The following PCDHA3 variants were observed in gnomAD, a reference collection of about 807,000 sequenced individuals.
The protein encoded by PCDHA3 is protocadherin alpha-3.
PCDHA3 carries 41 observed loss-of-function variants against 62.2 expected under a neutral mutation model. The observed-to-expected ratio is 0.66, with a 90% CI of 0.51 to 0.86. The LOEUF (loss-of-function observed/expected upper bound fraction) is 0.86, where lower values mean the gene tolerates loss of function less well. Among genes scored for constraint, PCDHA3 ranks in the 40% least tolerant of loss-of-function variants. The pLI is 0.00. For synonymous variants in PCDHA3, 640 were observed against 555.4 expected (o/e 1.15, Z -2.14); for missense variants, 1,304 against 1,241.2 (o/e 1.05, Z -0.76).
intron 1 of PCDHA3, among the ~76,000 whole-genome samples, chr5:140,962,807 C>T (rs1463442901): frequency 5.3e-5 from 8 of 152,220 alleles, no homozygotes; most frequent in Non-Finnish European, 1.0e-4. Flanking sequence ...CAACTCTAAA[C>T]ATCAGAGATG....
chr5:140,879,002 AG>A (rs1278268880), intron 1 of PCDHA3, among the ~76,000 whole-genome samples: 2 of 152,270 alleles, frequency 1.3e-5, no homozygotes, highest in African/African-American at 4.8e-5. Context: ...AGTATGCCCT[AG>A]AAATCAGATA....
In PCDHA3 at chr5:140,853,855, T is replaced by C. The variant is rs1179807632; in HGVS notation, c.2394+50264T>C. On this transcript the variant is annotated intron_variant, in intron 1 of 3. Transcript: ENST00000522353. The stretch of plus-strand genomic sequence containing the variant: ...GAAATTTTAGATCCATAGCCCTATT[T>C]GATACTTGACAGTGCAAGTTTCTGT... 3.0e-6 allele frequency: 3 copies of C among 985,756 alleles called. No homozygotes were observed. In the African/African-American group the frequency reaches 5.3e-5, roughly 17 times the overall value. 61.1% of individuals were successfully genotyped at this position (985,756 alleles called of 1,614,324 possible). A position where few individuals can be genotyped will look rare whatever the true frequency, so the allele number is the denominator to read the frequency against.
At chr5:140,842,235 G>T (rs201880118) in intron 1 of PCDHA3, 1 of 1,612,410 alleles carries the variant, frequency 6.2e-7, no homozygotes, top group Non-Finnish European at 8.5e-7. Context: ...ATAGTGATTC[G>T]GGGTAATTTG....
At chr5:140,969,552 T>A in intron 1 of PCDHA3, 1 of 1,234,382 alleles carries the variant, frequency 8.1e-7, no homozygotes, top group Non-Finnish European at 1.1e-6. Flanking sequence ...CATGAAGCCT[T>A]GTCCATAAAA....
intron 1 of PCDHA3, among the ~76,000 whole-genome samples, chr5:140,880,418 G>T (rs1554171267): frequency 6.6e-6 from 1 of 152,090 alleles, no homozygotes; most frequent in Non-Finnish European, 1.5e-5. Flanking sequence ...CTTAAAAGCG[G>T]GAACAGTTTT....
chr5:140,853,605 G>C lies in PCDHA3; in HGVS notation c.2394+50014G>C, dbSNP rs773791072. ...TCTTAGACACTTTGAGAGCAAAGGG[G>C]GTGCTGTAAATAAGTATACAAGATC... On this transcript the variant is annotated intron_variant, in intron 1 of 3. Coordinates refer to ENST00000522353, the MANE Select transcript of PCDHA3 (RefSeq NM_018906.3). The C allele has an allele frequency of 3.1e-5, 31 of 987,206 alleles. 2 individuals carry two copies. The highest frequency in any genetic ancestry group is 3.7e-5 in the Non-Finnish European group (30 of 819,622). The allele number at this position is 987,206 out of a possible 1,614,324, so 61.2% of individuals were successfully genotyped here.
At chr5:140,887,059 C>G (rs1474485995) in intron 1 of PCDHA3, among the ~76,000 whole-genome samples, 1 of 151,642 alleles carries the variant, frequency 6.6e-6, no homozygotes, top group Non-Finnish European at 1.5e-5. Flanking sequence ...TATGTTCTGG[C>G]AACAAATTCA....
Position 140,822,678 on chromosome 5 carries a change from A to G in PCDHA3, c.2394+19087A>G, listed in dbSNP as rs2150118464. The G allele has an allele frequency of 3.1e-6, 5 of 1,609,592 alleles. No individual in the cohort carries two copies. In the African/African-American group the frequency reaches 4.0e-5, roughly 13 times the overall value. ...TAATTAATTCTAATACTGGTGAAAT[A>G]AAAGTTAACGGGGAACTGGATTATG... is the stretch of plus-strand genomic sequence containing the variant. On this transcript the variant is annotated intron_variant, in intron 1 of 3. Transcript: ENST00000522353.
chr5:140,870,195 C>T, intron 1 of PCDHA3: 1 of 1,614,178 alleles, frequency 6.2e-7, no homozygotes, highest in Non-Finnish European at 8.5e-7. Flanking sequence ...ACGCTCAGCC[C>T]AGCACGGTCA....
At position 140,870,217 on chromosome 5, in the gene PCDHA3, A is replaced by G. The variant is rs911086777; in HGVS notation, c.2394+66626A>G. On this transcript the variant is annotated intron_variant, in intron 1 of 3. Coordinates refer to ENST00000522353, the MANE Select transcript of PCDHA3 (RefSeq NM_018906.3). ...GCCCAGCACGGTCATTGCCCTGATC[A>G]GCGTGTCTGACCGTGACTCAGGTGT... The G allele has an allele frequency of 5.6e-6, 9 of 1,614,144 alleles. No individual in the cohort carries two copies. The highest frequency in any genetic ancestry group is 3.3e-5 in the Admixed American group (2 of 60,034).
chr5:140,890,995 A>C (rs1554184607), intron 1 of PCDHA3, among the ~76,000 whole-genome samples: 2 of 152,138 alleles, frequency 1.3e-5, no homozygotes, highest in Non-Finnish European at 1.5e-5. Context: ...ATTTCATCAT[A>C]ATTATTGAAA....
Position 140,847,574 on chromosome 5 carries a change from G to T in PCDHA3, c.2394+43983G>T, listed in dbSNP as rs1038933297. 2 of 149,278 alleles carry T rather than the reference G, an allele frequency of 1.3e-5. 1 individual carries two copies. The highest frequency in any genetic ancestry group is 3.0e-5 in the Non-Finnish European group (2 of 66,762). The allele number at this position is 149,278 out of a possible 1,614,324, so 9.2% of individuals were successfully genotyped here. On this transcript the variant is annotated intron_variant, in intron 1 of 3. Coordinates refer to ENST00000522353, the MANE Select transcript of PCDHA3 (RefSeq NM_018906.3). The stretch of plus-strand genomic sequence containing the variant: ...AACAGAAATTGCCCCGAGTACTAAG[G>T]ATGAGCAATAATGAAATTAAAACAT...
intron 1 of PCDHA3, among the ~76,000 whole-genome samples, chr5:140,833,257 C>T (rs1170733217): frequency 6.6e-6 from 1 of 152,092 alleles, no homozygotes; most frequent in African/African-American, 2.4e-5. Flanking sequence ...ACCAGGAGAG[C>T]AGCAATTATA....
chr5:140,801,134 A>T lies in PCDHA3; in HGVS notation c.-64A>T. 1 of 1,523,918 alleles carries T rather than the reference A, an allele frequency of 6.6e-7. No individual in the cohort carries two copies. The highest frequency in any genetic ancestry group is 8.8e-7 in the Non-Finnish European group (1 of 1,139,862). 94.4% of individuals were successfully genotyped at this position (1,523,918 alleles called of 1,614,324 possible). On this transcript the variant is annotated 5_prime_UTR_variant, in exon 1 of 4. Transcript: ENST00000522353. The stretch of plus-strand genomic sequence containing the variant: ...GGAGTTTAAGAAATGAAGATAAGGA[A>T]CTCGAATTATTTTTAAACTTTGGAT...
chr5:140,936,846 T>C (rs1385625641), intron 1 of PCDHA3, among the ~76,000 whole-genome samples: 1 of 152,206 alleles, frequency 6.6e-6, no homozygotes, highest in Non-Finnish European at 1.5e-5. Context: ...AATTGTAGAT[T>C]CAGCTTCTCA....
At position 140,801,987 on chromosome 5, in the gene PCDHA3, G is replaced by A; in HGVS notation, c.790G>A (p.Val264Ile). Residue 264 changes from valine (V) to isoleucine (I), a missense_variant, in exon 1 of 4, where the codon GTT (valine) becomes ATT (isoleucine). Transcript: ENST00000522353. ...NAPNGTLVVT[V>I]NATDLDEGVN... ...ACCAAATGGTACCCTAGTGGTGACC[G>A]TTAACGCCACCGATTTGGATGAAGG... The A allele has an allele frequency of 1.2e-6, 2 of 1,614,224 alleles. No homozygotes were observed. Among genetic ancestry groups the A allele is most frequent in the Non-Finnish European group, 1.7e-6 (2 of 1,180,050 alleles).
intron 1 of PCDHA3, among the ~76,000 whole-genome samples, chr5:140,902,858 C>T (rs1275375548): frequency 6.6e-6 from 1 of 152,110 alleles, no homozygotes; most frequent in African/African-American, 2.4e-5. Context: ...AAATGGCGTC[C>T]AGGTCCACCC....
intron 1 of PCDHA3, among the ~76,000 whole-genome samples, chr5:140,971,214 C>T (rs1285730991): frequency 6.6e-6 from 1 of 152,172 alleles, no homozygotes; most frequent in African/African-American, 2.4e-5. Flanking sequence ...GTTACCCTCC[C>T]TCTCCTGACT....
chr5:140,968,994 G>A lies in PCDHA3; in HGVS notation c.2395-9955G>A. 6.2e-7 allele frequency: 1 copy of A among 1,614,216 alleles called. No individual in the cohort carries two copies. The highest frequency in any genetic ancestry group is 8.5e-7 in the Non-Finnish European group (1 of 1,180,038). On this transcript the variant is annotated intron_variant, in intron 1 of 3. Transcript: ENST00000522353. ...ACTGCGTATGGCACTGCATGCTGTG[G>A]AGGCTTCTGTGGAGTAAGGGAAAGG...
Sources: gnomAD v4.1 joint callset for allele counts (sites outside exome capture counted in the v4.1 genomes callset) on GRCh38, gnomAD v4.1.1 for gene constraint, MANE v1.5 for transcripts, NCBI Gene and HGNC (gene_info 2026-07-23, HGNC 2026-07-21) for gene names.